The following APBB2 variants were observed in gnomAD, a reference collection of about 807,000 sequenced individuals.
APBB2 encodes the protein amyloid beta precursor protein binding family B member 2.
In APBB2, 38 loss-of-function variants were observed where a neutral mutation model predicts 82.5. The ratio of observed to expected loss-of-function variants is 0.46; its 90% CI spans 0.36 to 0.60. The LOEUF (loss-of-function observed/expected upper bound fraction) is 0.60. Among genes scored for constraint, APBB2 ranks in the 20% least tolerant of loss-of-function variants. The pLI is 0.00. For synonymous variants in APBB2, 341 were observed against 368.2 expected (o/e 0.93, Z 0.85); for missense variants, 772 against 972.3 (o/e 0.79, Z 2.74).
intron 1 of APBB2, among the ~76,000 whole-genome samples, chr4:41,176,480 T>C (rs1174511649): frequency 1.3e-5 from 2 of 152,070 alleles, no homozygotes; most frequent in Non-Finnish European, 2.9e-5. Context: ...CCAATCCTGC[T>C]TGGCCCCCAC....
chr4:41,158,728 T>C (rs1339680050), intron 1 of APBB2, among the ~76,000 whole-genome samples: 1 of 152,228 alleles, frequency 6.6e-6, no homozygotes, highest in Non-Finnish European at 1.5e-5. Flanking sequence ...GGATTTTTTT[T>C]GTAGCACAAA....
rs147228054 is a variant in APBB2, at chr4:40,915,839, G to A, written c.1254+18617C>T. Among the ~76,000 whole-genome samples, 439 of 152,084 alleles carry A rather than the reference G, an allele frequency of 2.9e-3. 22 individuals carry two copies. In the East Asian group the frequency reaches 0.077, roughly 27 times the overall value. ...CAAGGGCTCTGGGACCCCGGAACCC[G>A]GCCATCTCATTTCACGAATGAGTAA... On this transcript the variant is annotated intron_variant, in intron 10 of 17. Coordinates refer to ENST00000508593, the MANE Select transcript of APBB2 (RefSeq NM_004307.2).
At chr4:41,060,524 C>T (rs949869116) in intron 4 of APBB2, among the ~76,000 whole-genome samples, 1 of 152,136 alleles carries the variant, frequency 6.6e-6, no homozygotes, top group Non-Finnish European at 1.5e-5. Context: ...GATGACTCCA[C>T]AAATACTGGA....
At chr4:40,831,184 G>A (rs1039636065) in intron 12 of APBB2, among the ~76,000 whole-genome samples, 1 of 152,124 alleles carries the variant, frequency 6.6e-6, no homozygotes, top group Non-Finnish European at 1.5e-5. Flanking sequence ...GATCACCTGA[G>A]GTCAGGAGTT....
intron 12 of APBB2, 185 bp downstream of exon 12, chr4:40,890,179 G>A: frequency 1.4e-6 from 1 of 715,640 alleles, no homozygotes; most frequent in South Asian, 2.5e-5. Context: ...ACAGAAACCA[G>A]GAAGGGAAGC....
At chr4:41,049,359 C>A (rs1288733592) in intron 4 of APBB2, among the ~76,000 whole-genome samples, 2 of 149,474 alleles carry the variant, frequency 1.3e-5, no homozygotes, top group African/African-American at 2.5e-5. Flanking sequence ...GCAGCCGCCC[C>A]GTCCGGGAGG....
At chr4:41,054,596 T>C (rs1727182236) in intron 4 of APBB2, among the ~76,000 whole-genome samples, 1 of 152,124 alleles carries the variant, frequency 6.6e-6, no homozygotes, top group African/African-American at 2.4e-5. Flanking sequence ...CCACTACCTA[T>C]AAAGTAACTG....
Position 41,143,649 on chromosome 4 carries a change from A to AAAGACACAT in APBB2, c.-416-516_-416-508dup, listed in dbSNP as rs1759849386. ...TACAGGACTTCAAAGGGCACCACAA[A>AAAGACACAT]AAGACACATAAGTGGGGGCTATAAA... On this transcript the variant is annotated intron_variant, in intron 1 of 17. Transcript: ENST00000508593. Among the ~76,000 whole-genome samples the AAAGACACAT allele has an allele frequency of 2.0e-5, 3 of 152,236 alleles. No individual in the cohort carries two copies. The South Asian group carries it at 6.2e-4, about 31-fold the overall frequency.
At chr4:41,136,670 C>A (rs1009112175) in intron 2 of APBB2, among the ~76,000 whole-genome samples, 2 of 152,138 alleles carry the variant, frequency 1.3e-5, no homozygotes, top group Non-Finnish European at 2.9e-5. Context: ...AACGGCACTG[C>A]AGAAAACAGG....
intron 17 of APBB2, 81 bp from the exon 18 acceptor site, chr4:40,816,340 A>T: frequency 1.4e-6 from 2 of 1,476,466 alleles, no homozygotes; most frequent in East Asian, 2.3e-5. Flanking sequence ...CATGACCCAT[A>T]ATACATTGAC....
At chr4:41,087,050 G>A (rs1740017115) in intron 3 of APBB2, among the ~76,000 whole-genome samples, 1 of 152,172 alleles carries the variant, frequency 6.6e-6, no homozygotes, top group Admixed American at 6.5e-5. Context: ...TGAGGCGGGA[G>A]GATCACTTGA....
intron 6 of APBB2, among the ~76,000 whole-genome samples, chr4:40,983,879 T>C (rs574193820): frequency 6.6e-6 from 1 of 152,266 alleles, no homozygotes; most frequent in Non-Finnish European, 1.5e-5. Context: ...GCCTAACTTT[T>C]TTTAAACTAT....
intron 6 of APBB2, among the ~76,000 whole-genome samples, chr4:40,978,537 AT>A (rs754037768): frequency 6.6e-6 from 1 of 151,958 alleles, no homozygotes; most frequent in Non-Finnish European, 1.5e-5. Flanking sequence ...TTAAATTAGT[AT>A]TTTTTTTAAA....
chr4:40,964,318 T>C (rs1441366815), intron 6 of APBB2, among the ~76,000 whole-genome samples: 1 of 152,038 alleles, frequency 6.6e-6, no homozygotes, highest in Non-Finnish European at 1.5e-5. Flanking sequence ...TAGTAAGCTA[T>C]CCCTAAAAAA....
chr4:40,850,278 G>T (rs1229563288), intron 12 of APBB2, among the ~76,000 whole-genome samples: 1 of 152,086 alleles, frequency 6.6e-6, no homozygotes, highest in East Asian at 1.9e-4. Context: ...GCCCGGCTTT[G>T]TAACACCCTA....
intron 6 of APBB2, among the ~76,000 whole-genome samples, chr4:41,006,974 G>A (rs919148738): frequency 1.3e-5 from 2 of 152,104 alleles, no homozygotes; most frequent in African/African-American, 2.4e-5. Flanking sequence ...TGTGACTCTC[G>A]CTCTCATCAA....
At chr4:40,907,383 T>A (rs1199394935) in intron 10 of APBB2, among the ~76,000 whole-genome samples, 39 of 54,066 alleles carry the variant, frequency 7.2e-4, no homozygotes, top group South Asian at 4.6e-3. Flanking sequence ...ATATATATTT[T>A]TTTTTTTTTT....
chr4:40,937,267 T>C (rs772210586), intron 7 of APBB2, among the ~76,000 whole-genome samples: 3 of 152,100 alleles, frequency 2.0e-5, no homozygotes, highest in Non-Finnish European at 4.4e-5. Flanking sequence ...TCAGAAATTA[T>C]CCCCAAGGGA....
chr4:40,978,924 T>C (rs1003471378), intron 6 of APBB2, among the ~76,000 whole-genome samples: 14 of 121,754 alleles, frequency 1.1e-4, no homozygotes, highest in African/African-American at 3.2e-4. Flanking sequence ...TTGGAACTCA[T>C]GATTTTTTTT....
Sources: gnomAD v4.1 joint callset for allele counts (sites outside exome capture counted in the v4.1 genomes callset) on GRCh38, gnomAD v4.1.1 for gene constraint, MANE v1.5 for transcripts, NCBI Gene and HGNC (gene_info 2026-07-23, HGNC 2026-07-21) for gene names.